Variants in ARID5B observed in about 807,000 individuals in gnomAD.
The protein encoded by ARID5B is AT-rich interactive domain-containing protein 5B.
ARID5B carries 13 observed loss-of-function variants against 97.2 expected under a neutral mutation model. The ratio of observed to expected loss-of-function variants is 0.13; its 90% CI spans 0.09 to 0.21. ARID5B has a LOEUF of 0.21. ARID5B is among the 10% of genes least tolerant of loss of function. The probability of loss-of-function intolerance (pLI) is 1.00; values close to 1 mark genes in which losing one functional copy is unlikely to be tolerated. For synonymous variants in ARID5B, 556 were observed against 570.3 expected (o/e 0.97, Z 0.36); for missense variants, 1,210 against 1,465.3 (o/e 0.83, Z 2.84).
rs557410864 is a variant in ARID5B, at chr10:62,069,714, T to A, written c.1116T>A (p.Arg372=). 1 of 1,614,092 alleles carries A rather than the reference T, an allele frequency of 6.2e-7. No individual in the cohort carries two copies. The highest frequency in any genetic ancestry group is 8.5e-7 in the Non-Finnish European group (1 of 1,179,972). The change falls in exon 8 of 10, where the codon CGT becomes CGA. Residue 372 remains arginine (R), a synonymous_variant. Transcript: ENST00000279873. The part of the protein sequence containing the change: ...LGGYETITAR[R]QWKHIYDELG... ...CATTTTTTCAGATAACAGCCCGCCG[T>A]CAGTGGAAACATATTTATGATGAAT...
intron 8 of ARID5B, among the ~76,000 whole-genome samples, chr10:62,081,046 G>A (rs1269971395): frequency 4.6e-5 from 7 of 152,008 alleles, no homozygotes; most frequent in African/African-American, 2.4e-5. Context: ...CAAGTGATCC[G>A]ACTGCCTCCG....
At chr10:61,938,897 C>T (rs1379052193) in intron 2 of ARID5B, among the ~76,000 whole-genome samples, 1 of 146,430 alleles carries the variant, frequency 6.8e-6, no homozygotes, top group African/African-American at 2.5e-5. Context: ...AAAAAAAAAA[C>T]CCTCAACCCA....
intron 2 of ARID5B, among the ~76,000 whole-genome samples, chr10:61,933,219 T>A (rs553778369): frequency 5.6e-4 from 85 of 152,376 alleles, no homozygotes; most frequent in South Asian, 8.3e-4. Context: ...ATTGCAGCAA[T>A]TCATTCACAT....
chr10:62,055,060 G>T (rs1402101988), intron 5 of ARID5B, among the ~76,000 whole-genome samples: 1 of 152,188 alleles, frequency 6.6e-6, no homozygotes, highest in Admixed American at 6.5e-5. Flanking sequence ...TAGGAGGAAT[G>T]GAGCTCCTTG....
At chr10:61,969,942 TAGAA>T (rs1337351978) in intron 3 of ARID5B, among the ~76,000 whole-genome samples, 6 of 152,164 alleles carry the variant, frequency 3.9e-5, no homozygotes, top group Admixed American at 3.3e-4. Flanking sequence ...CTTAAAACAC[TAGAA>T]AGAGTCAAGT....
chr10:61,923,039 G>A (rs573059535), intron 2 of ARID5B, among the ~76,000 whole-genome samples: 2 of 152,120 alleles, frequency 1.3e-5, no homozygotes, highest in Non-Finnish European at 2.9e-5. Context: ...GATTTATGGG[G>A]TGGCTTCCAT....
At chr10:61,978,950 G>C (rs971382619) in intron 3 of ARID5B, among the ~76,000 whole-genome samples, 10 of 152,178 alleles carry the variant, frequency 6.6e-5, no homozygotes, top group African/African-American at 2.2e-4. Flanking sequence ...GTTTTCAAAA[G>C]GAATGCTTCC....
intron 3 of ARID5B, among the ~76,000 whole-genome samples, chr10:61,966,305 G>A (rs976575557): frequency 1.3e-5 from 2 of 152,054 alleles, no homozygotes; most frequent in African/African-American, 2.4e-5. Context: ...CAGGGAGCAC[G>A]TTTTAAAATT....
chr10:62,060,493 T>A (rs143810500), intron 7 of ARID5B, among the ~76,000 whole-genome samples: 84 of 152,348 alleles, frequency 5.5e-4, no homozygotes, highest in Admixed American at 5.4e-3. Context: ...ATTCATAAAT[T>A]TACTTGAAAT....
chr10:61,967,020 G>A (rs967508403), intron 3 of ARID5B, among the ~76,000 whole-genome samples: 1 of 151,830 alleles, frequency 6.6e-6, no homozygotes, highest in Non-Finnish European at 1.5e-5. Flanking sequence ...TCAGAAAACC[G>A]GGCCTTTTTT....
intron 8 of ARID5B, among the ~76,000 whole-genome samples, chr10:62,076,215 T>G (rs551477443): frequency 6.6e-6 from 1 of 152,084 alleles, no homozygotes; most frequent in South Asian, 2.1e-4. Flanking sequence ...AAGATCTGAG[T>G]CAAAGGCCGT....
intron 4 of ARID5B, among the ~76,000 whole-genome samples, chr10:62,021,769 A>T (rs16916913): frequency 6.6e-6 from 1 of 152,182 alleles, no homozygotes; most frequent in Admixed American, 6.5e-5. Context: ...GTGCAAACCC[A>T]ATTGCTTAGA....
chr10:62,046,095 GTC>G (rs1278088975), intron 4 of ARID5B, among the ~76,000 whole-genome samples: 3 of 152,124 alleles, frequency 2.0e-5, no homozygotes, highest in African/African-American at 7.2e-5. Context: ...TTGGCAACAA[GTC>G]TCTCTGCAAA....
At chr10:61,942,018 T>TTG (rs947010023) in intron 3 of ARID5B, among the ~76,000 whole-genome samples, 3 of 152,086 alleles carry the variant, frequency 2.0e-5, no homozygotes, top group South Asian at 2.1e-4. Flanking sequence ...TTGTTTAATT[T>TTG]TGTGTGTGTG....
rs893631761 is a variant in ARID5B, at chr10:62,066,180, A to G, written c.1102-3520A>G. Among the ~76,000 whole-genome samples, 4 of 152,208 alleles carry G rather than the reference A, an allele frequency of 2.6e-5. No individual in the cohort carries two copies. The East Asian group carries it at 5.8e-4, about 22-fold the overall frequency. ...ATGTTAATACAGAAGGCGGATTTACATGAAGCCGGGAGATGTTTCCCTGCC... is the reference window on the plus strand; with the variant it reads ...ATGTTAATACAGAAGGCGGATTTACGTGAAGCCGGGAGATGTTTCCCTGCC... On this transcript the variant is annotated intron_variant, in intron 7 of 9. Transcript: ENST00000279873.
At chr10:61,979,068 T>G (rs1564618426) in intron 3 of ARID5B, among the ~76,000 whole-genome samples, 1 of 152,186 alleles carries the variant, frequency 6.6e-6, no homozygotes, top group African/African-American at 2.4e-5. Flanking sequence ...GAGTGTGAGA[T>G]GCAGCCAGCC....
intron 3 of ARID5B, among the ~76,000 whole-genome samples, chr10:61,988,935 A>ATTT (rs1554842698): frequency 6.4e-5 from 4 of 62,238 alleles, no homozygotes; most frequent in Non-Finnish European, 9.3e-5. Context: ...TTTTTCTTTT[A>ATTT]CTTTTTTTTT....
intron 4 of ARID5B, among the ~76,000 whole-genome samples, chr10:62,010,382 G>A (rs1839201128): frequency 6.6e-6 from 1 of 152,092 alleles, no homozygotes. Context: ...AAAGTTAATG[G>A]CTTCAGTTGC....
chr10:61,971,610 G>C (rs771374946), intron 3 of ARID5B, among the ~76,000 whole-genome samples: 4 of 152,220 alleles, frequency 2.6e-5, no homozygotes, highest in Non-Finnish European at 5.9e-5. Flanking sequence ...GAAGCCTGTA[G>C]AACTGCACAA....
Sources: allele counts gnomAD v4.1 joint callset (sites outside exome capture counted in the v4.1 genomes callset), GRCh38; gene constraint gnomAD v4.1.1; transcripts MANE v1.5; gene names NCBI Gene and HGNC (gene_info 2026-07-23, HGNC 2026-07-21).